GJB7: variants seen among roughly 807,000 people sequenced by gnomAD.
GJB7 encodes the protein gap junction protein beta 7.
For synonymous variants in GJB7, 87 were observed against 95.2 expected (o/e 0.91, Z 0.50); for missense variants, 253 against 256.8 (o/e 0.99, Z 0.10).
rs888576191 is a variant in GJB7, at chr6:87,321,168, G to A, written c.-28+1698C>T. On this transcript the variant is annotated intron_variant, in intron 2 of 2. Coordinates refer to ENST00000525899, the MANE Select transcript of GJB7 (RefSeq NM_198568.3). ...CAGGAGGTGGAGGTTGCAGTGAGCC[G>A]AGATCATGCCACTGCACTCCAGCCT... 6.0e-5 allele frequency among the ~76,000 whole-genome samples: 9 copies of A among 149,066 alleles called. No homozygotes were observed. In the South Asian group the frequency reaches 1.5e-3, roughly 25 times the overall value.
intron 2 of GJB7, among the ~76,000 whole-genome samples, chr6:87,316,433 A>G (rs1776585765): frequency 6.6e-6 from 1 of 152,180 alleles, no homozygotes; most frequent in Non-Finnish European, 1.5e-5. Context: ...GGGCTGAGCT[A>G]TGGGAGTGAT....
chr6:87,291,552 T>A (rs1350881272), intron 2 of GJB7, among the ~76,000 whole-genome samples: 1 of 152,230 alleles, frequency 6.6e-6, no homozygotes. Context: ...TTCCCCCTCG[T>A]CCTGCTCATT....
At chr6:87,296,856 A>G (rs555815583) in intron 2 of GJB7, among the ~76,000 whole-genome samples, 1 of 152,256 alleles carries the variant, frequency 6.6e-6, no homozygotes, top group South Asian at 2.1e-4. Flanking sequence ...TTGGTCTATG[A>G]TTATTTCAGA....
intron 2 of GJB7, among the ~76,000 whole-genome samples, chr6:87,304,487 T>A (rs1410180906): frequency 1.3e-5 from 2 of 152,100 alleles, no homozygotes; most frequent in Non-Finnish European, 1.5e-5. Flanking sequence ...AGAAGTTGAA[T>A]CCCTGAATAG....
chr6:87,296,938 A>G (rs1776255644), intron 2 of GJB7, among the ~76,000 whole-genome samples: 1 of 152,222 alleles, frequency 6.6e-6, no homozygotes, highest in Admixed American at 6.5e-5. Context: ...AGGTAGATTT[A>G]CCCTGAAGCT....
chr6:87,299,220 A>G, intron 2 of GJB7: 1 of 448,172 alleles, frequency 2.2e-6, no homozygotes, highest in South Asian at 1.7e-5. Flanking sequence ...GCTGAACTTA[A>G]GAAGCTGTCT....
chr6:87,315,811 A>AAG (rs1776571240), intron 2 of GJB7, among the ~76,000 whole-genome samples: 2 of 151,508 alleles, frequency 1.3e-5, no homozygotes, highest in African/African-American at 4.9e-5. Flanking sequence ...AAAAAAAAAA[A>AAG]AAAAAGAAAG....
At chr6:87,300,250 TA>T in intron 2 of GJB7, 1 of 192,922 alleles carries the variant, frequency 5.2e-6, no homozygotes. Context: ...GCAAAGTTCC[TA>T]AGAAGTTGGT....
In GJB7 at chr6:87,284,454, G is replaced by T; in HGVS notation, c.459C>A (p.Tyr153Ter). 1 of 1,613,988 alleles carries T rather than the reference G, an allele frequency of 6.2e-7. No individual in the cohort carries two copies. The highest frequency in any genetic ancestry group is 2.2e-5 in the East Asian group (1 of 44,872). The change falls in exon 3 of 3, where the codon TAC (tyrosine) becomes TAA (stop). Residue 153 changes from tyrosine to a stop codon, truncating the protein, a stop_gained. Transcript: ENST00000525899. LOFTEE classifies it low-confidence loss of function (END_TRUNC). ...YKLYDGFSVP[Y>*]LIKCDLKPCP... ...AAGGCTTCAAATCACACTTTATAAG[G>T]TAGGGAACACTAAAGCCATCATATA...
chr6:87,293,276 G>A (rs944180723), intron 2 of GJB7, among the ~76,000 whole-genome samples: 3 of 152,180 alleles, frequency 2.0e-5, no homozygotes, highest in South Asian at 2.1e-4. Flanking sequence ...TGATCTGCCC[G>A]CCTCGGCCTC....
chr6:87,289,040 A>G (rs1468178132), intron 2 of GJB7, among the ~76,000 whole-genome samples: 1 of 152,184 alleles, frequency 6.6e-6, no homozygotes. Flanking sequence ...TATCTGGACA[A>G]CAATAGCCTG....
At chr6:87,303,161 A>G (rs893680582) in intron 2 of GJB7, among the ~76,000 whole-genome samples, 14 of 152,218 alleles carry the variant, frequency 9.2e-5, no homozygotes, top group African/African-American at 3.1e-4. Context: ...GACAGGATCA[A>G]ATTCACACAT....
chr6:87,290,345 A>G (rs1284803441), intron 2 of GJB7, among the ~76,000 whole-genome samples: 2 of 152,120 alleles, frequency 1.3e-5, no homozygotes, highest in Admixed American at 1.3e-4. Flanking sequence ...CCCCTGAAGA[A>G]AAGCATTTCC....
chr6:87,328,921 C>G (rs143115787), intron 1 of GJB7, among the ~76,000 whole-genome samples: 2 of 152,342 alleles, frequency 1.3e-5, no homozygotes, highest in African/African-American at 4.8e-5. Flanking sequence ...GGGCGTAGGA[C>G]CCTCCGAACC....
At chr6:87,291,237 A>G (rs946955481) in intron 2 of GJB7, among the ~76,000 whole-genome samples, 1 of 152,184 alleles carries the variant, frequency 6.6e-6, no homozygotes, top group Admixed American at 6.5e-5. Flanking sequence ...TTCAATTTTT[A>G]TTTTGTAAAT....
chr6:87,287,112 G>C (rs570461246), intron 2 of GJB7, among the ~76,000 whole-genome samples: 1 of 152,322 alleles, frequency 6.6e-6, no homozygotes, highest in South Asian at 2.1e-4. Context: ...CCCCTGGAGA[G>C]AGAAGACAAA....
intron 2 of GJB7, among the ~76,000 whole-genome samples, chr6:87,318,085 T>C (rs1223543059): frequency 1.3e-5 from 2 of 151,750 alleles, no homozygotes; most frequent in African/African-American, 4.8e-5. Flanking sequence ...GAGTAATGAA[T>C]TGTGATCCTC....
intron 2 of GJB7, chr6:87,298,909 G>T: frequency 2.4e-6 from 1 of 422,814 alleles, no homozygotes. Context: ...AGACTTTTTA[G>T]CAGATGCTGT....
intron 2 of GJB7, among the ~76,000 whole-genome samples, chr6:87,304,677 A>T (rs1776392521): frequency 6.6e-6 from 1 of 152,224 alleles, no homozygotes; most frequent in South Asian, 2.1e-4. Context: ...TCATTTTATG[A>T]GGCCAGCCCC....
Sources: gnomAD v4.1 joint callset for allele counts (sites outside exome capture counted in the v4.1 genomes callset) on GRCh38, gnomAD v4.1.1 for gene constraint, MANE v1.5 for transcripts, NCBI Gene and HGNC (gene_info 2026-07-23, HGNC 2026-07-21) for gene names.